SUN2: variants seen among roughly 807,000 people sequenced by gnomAD.
The protein encoded by SUN2 is SUN domain-containing protein 2.
SUN2 carries 60 observed loss-of-function variants against 100.0 expected under a neutral mutation model. The ratio of observed to expected loss-of-function variants is 0.60; its 90% CI spans 0.49 to 0.74. The LOEUF (loss-of-function observed/expected upper bound fraction) is 0.74. Among genes scored for constraint, SUN2 ranks in the 30% least tolerant of loss-of-function variants. The pLI, the probability that SUN2 is intolerant of heterozygous loss-of-function variation, is 0.00. For synonymous variants in SUN2, 367 were observed against 403.3 expected (o/e 0.91, Z 1.08); for missense variants, 834 against 954.6 (o/e 0.87, Z 1.66).
chr22:38,750,553 A>T (rs1324250793), intron 4 of SUN2, among the ~76,000 whole-genome samples: 1 of 152,206 alleles, frequency 6.6e-6, no homozygotes, highest in East Asian at 1.9e-4. Context: ...TGCTGTTCAG[A>T]ACTAGGTGCT....
intron 7 of SUN2, among the ~76,000 whole-genome samples, chr22:38,747,268 G>T (rs565580645): frequency 4.7e-5 from 7 of 150,292 alleles, no homozygotes; most frequent in Non-Finnish European, 1.0e-4. Context: ...GGAGGTGGAG[G>T]TTGCAGTGAG....
intron 8 of SUN2, chr22:38,742,878 A>G: frequency 3.9e-6 from 1 of 253,598 alleles, no homozygotes; most frequent in South Asian, 7.2e-5. Flanking sequence ...GGAGGACTGG[A>G]AGCTGCAGGA....
In SUN2 at chr22:38,737,635, C is replaced by T. The variant is rs1403356939; in HGVS notation, c.2040+538G>A. The T allele has an allele frequency of 3.2e-6, 1 of 310,580 alleles. No homozygotes were observed. Among genetic ancestry groups the T allele is most frequent in the South Asian group, 2.6e-5 (1 of 37,850 alleles). The allele number at this position is 310,580 out of a possible 1,614,324, so 19.2% of individuals were successfully genotyped here. A position where few individuals can be genotyped will look rare whatever the true frequency, so the allele number is the denominator to read the frequency against. ...TCCCACTATCCCGCCAACCCAATTC[C>T]TCACTCCAGGACTCCCCCGGTGTGG... On this transcript the variant is annotated intron_variant, in intron 17 of 17. Coordinates refer to ENST00000689035, the MANE Select transcript of SUN2 (RefSeq NM_015374.3). The surrounding 1 kb of genome is among the most constrained non-coding windows in gnomAD (Gnocchi z 4.1).
Position 38,739,888 on chromosome 22 carries a change from C to T in SUN2, c.1412G>A (p.Gly471Asp), listed in dbSNP as rs1175543236. The T allele has an allele frequency of 5.6e-6, 9 of 1,613,124 alleles. 1 individual carries two copies. The African/African-American group carries it at 6.7e-5, about 12-fold the overall frequency. The change falls in exon 13 of 18, where the codon GGC becomes GAC. Residue 471 changes from glycine to aspartate, a missense_variant. Gly to Asp is a moderately conservative substitution (Grantham distance 94). This residue lies in a region of SUN2 where 195 missense variants were observed against 280.2 expected (regional missense o/e 0.70). Transcript: ENST00000689035. The surrounding 1 kb of genome is among the most constrained non-coding windows in gnomAD (Gnocchi z 6.7). The stretch of plus-strand genomic sequence containing the variant: ...CTCTCTCTGAAGGAGCCCCACGCGG[C>T]CCCCTCCACCTCGGGCAAGGAACTG... Reference protein sequence around the residue: ...ISQFLARGGGGRVGLLQREEM... With the variant: ...ISQFLARGGGDRVGLLQREEM...
In SUN2 at chr22:38,740,372, C is replaced by G; in HGVS notation, c.1251G>C (p.Gln417His). ...CCAGCTCCTGCTGCAGGCCGGCCAG[C>G]TGGTCCTCCAGCCGCCTCAGCTCCT... ...SVKELRRLED[Q>H]LAGLQQELAA... is the part of the protein sequence containing the mutation. The change falls in exon 12 of 18, where the codon CAG becomes CAC. Residue 417 changes from glutamine to histidine, a missense_variant. By Grantham distance (24) the Gln-to-His change is conservative. This residue lies in a region of SUN2 where 559 missense variants were observed against 597.7 expected (regional missense o/e 0.94). Coordinates refer to ENST00000689035, the MANE Select transcript of SUN2 (RefSeq NM_015374.3). The surrounding 1 kb of genome is among the most constrained non-coding windows in gnomAD (Gnocchi z 4.8). The G allele has an allele frequency of 6.3e-7, 1 of 1,577,094 alleles. No homozygotes were observed. Among genetic ancestry groups the G allele is most frequent in the Non-Finnish European group, 8.6e-7 (1 of 1,161,020 alleles).
chr22:38,749,658 A>T lies in SUN2; in HGVS notation c.614+108T>A, dbSNP rs556268219. 1.5e-5 allele frequency: 16 copies of T among 1,048,126 alleles called. No homozygotes were observed. The African/African-American group carries it at 2.4e-4, about 16-fold the overall frequency. The allele number at this position is 1,048,126 out of a possible 1,614,324, so 64.9% of individuals were successfully genotyped here. A position where few individuals can be genotyped will look rare whatever the true frequency, so the allele number is the denominator to read the frequency against. ...GTGATCGCTAATAAAGGCTCCAGGG[A>T]AACTGGGGAAAACCCTCAGAGAATC... is the stretch of plus-strand genomic sequence containing the variant. On this transcript the variant is annotated intron_variant, in intron 6 of 17. Coordinates refer to ENST00000689035, the MANE Select transcript of SUN2 (RefSeq NM_015374.3).
chr22:38,755,886 G>T lies in SUN2; in HGVS notation c.-161C>A. 1.0e-6 allele frequency: 1 copy of T among 982,252 alleles called. No homozygotes were observed. The highest frequency in any genetic ancestry group is 1.2e-6 in the Non-Finnish European group (1 of 828,688). The allele number at this position is 982,252 out of a possible 1,614,324, so 60.8% of individuals were successfully genotyped here. A position where few individuals can be genotyped will look rare whatever the true frequency, so the allele number is the denominator to read the frequency against. ...TCCGCTCAGGGCGACACAGCGGCCG[G>T]GCCCGGGGCGCGCGGGCACGCGAAG... On this transcript the variant is annotated 5_prime_UTR_variant, in exon 1 of 18. Coordinates refer to ENST00000689035, the MANE Select transcript of SUN2 (RefSeq NM_015374.3). The surrounding 1 kb of genome is among the most constrained non-coding windows in gnomAD (Gnocchi z 5.7).
In SUN2 at chr22:38,742,541, A is replaced by G. The variant is rs758769460; in HGVS notation, c.828T>C (p.Val276=). 8.7e-6 allele frequency: 14 copies of G among 1,611,786 alleles called. No individual in the cohort carries two copies. The highest frequency in any genetic ancestry group is 1.2e-5 in the Non-Finnish European group (14 of 1,179,352). ...SSPHFQAEQR[V]MSRVHSLERR... ...GCTCCAGAGAGTGTACCCGGGACAT[A>G]ACACGCTGCTCAGCCTGGAAGGGCA... Residue 276 remains valine (V), a synonymous_variant, in exon 9 of 18, where the codon GTT becomes GTC. Coordinates refer to ENST00000689035, the MANE Select transcript of SUN2 (RefSeq NM_015374.3).
chr22:38,754,174 C>G (rs990579888), intron 1 of SUN2, among the ~76,000 whole-genome samples: 1 of 152,192 alleles, frequency 6.6e-6, no homozygotes, highest in Non-Finnish European at 1.5e-5. Context: ...TAATGAACCA[C>G]TCAGGTCTAG....
chr22:38,740,067 G>C lies in SUN2; in HGVS notation c.1357-124C>G, dbSNP rs959959234. On this transcript the variant is annotated intron_variant, in intron 12 of 17. Coordinates refer to ENST00000689035, the MANE Select transcript of SUN2 (RefSeq NM_015374.3). The surrounding 1 kb of genome is among the most constrained non-coding windows in gnomAD (Gnocchi z 4.8). ...AGGAGGGAGGCCACTGGAGGAAAGAGTTATGAACACTCCATGGGCACTAAC... is the reference window on the plus strand; with the variant it reads ...AGGAGGGAGGCCACTGGAGGAAAGACTTATGAACACTCCATGGGCACTAAC... 1.1e-5 allele frequency: 14 copies of C among 1,266,320 alleles called. No homozygotes were observed. Among genetic ancestry groups the C allele is most frequent in the Middle Eastern group, 2.1e-4 (1 of 4,714 alleles). The allele number at this position is 1,266,320 out of a possible 1,614,324, so 78.4% of individuals were successfully genotyped here. A position where few individuals can be genotyped will look rare whatever the true frequency, so the allele number is the denominator to read the frequency against.
chr22:38,745,111 G>C (rs535757529), intron 8 of SUN2: 10 of 471,192 alleles, frequency 2.1e-5, no homozygotes, highest in South Asian at 1.4e-4. Context: ...AGGCCTCAAA[G>C]GTCTGGTTGC....
At position 38,738,774 on chromosome 22, in the gene SUN2, T is replaced by C. The variant is rs2092829002; in HGVS notation, c.1780-20A>G. 3.7e-6 allele frequency: 6 copies of C among 1,611,598 alleles called. No individual in the cohort carries two copies. Among genetic ancestry groups the C allele is most frequent in the South Asian group, 1.1e-5 (1 of 90,986 alleles). The stretch of plus-strand genomic sequence containing the variant: ...ATCTGGCTGGAGGAGCAGAAAGTCA[T>C]GTCAGGACAGGGCCCTGAGTCCAGC... On this transcript the variant is annotated intron_variant, in intron 15 of 17. Transcript: ENST00000689035. The surrounding 1 kb of genome is among the most constrained non-coding windows in gnomAD (Gnocchi z 6.6).
intron 9 of SUN2, 53 bp from the exon 10 acceptor site, chr22:38,741,624 C>A: frequency 6.6e-7 from 1 of 1,523,924 alleles, no homozygotes. Context: ...TTATAGGGAC[C>A]CTCATGACTA....
At chr22:38,745,953 T>G in intron 7 of SUN2, 142 bp from the exon 8 acceptor site, 1 of 1,298,052 alleles carries the variant, frequency 7.7e-7, no homozygotes, top group Non-Finnish European at 1.0e-6. Flanking sequence ...ATCAGAGGGA[T>G]GCAGGTGCCC....
chr22:38,747,412 C>A (rs1246969101), intron 7 of SUN2, among the ~76,000 whole-genome samples: 1 of 151,678 alleles, frequency 6.6e-6, no homozygotes, highest in Non-Finnish European at 1.5e-5. Context: ...ACCAGCTGTT[C>A]TTGTAGCAGC....
At position 38,750,360 on chromosome 22, in the gene SUN2, T is replaced by A. The variant is rs1288765375; in HGVS notation, c.425-40A>T. 2 of 1,610,484 alleles carry A rather than the reference T, an allele frequency of 1.2e-6. 1 individual carries two copies. Among genetic ancestry groups the A allele is most frequent in the South Asian group, 2.2e-5 (2 of 90,652 alleles). On this transcript the variant is annotated intron_variant, in intron 4 of 17. Transcript: ENST00000689035. ...GACACTGGCTCAGTCTCTGTCACTT[T>A]CGAGCCTCTTCCTTCACTGTCTTCT...
chr22:38,744,618 A>G (rs1242712539), intron 8 of SUN2, among the ~76,000 whole-genome samples: 1 of 152,234 alleles, frequency 6.6e-6, no homozygotes, highest in Non-Finnish European at 1.5e-5. Context: ...TGTAATACCA[A>G]GTTAAATTCA....
At chr22:38,748,864 C>T in intron 6 of SUN2, 81 bp from the exon 7 acceptor site, 1 of 1,409,458 alleles carries the variant, frequency 7.1e-7, no homozygotes, top group Non-Finnish European at 1.0e-6. Flanking sequence ...CCAGGGAGTA[C>T]CCTGAGATGT....
At chr22:38,751,453 C>G in intron 2 of SUN2, 80 bp from the exon 3 acceptor site, 1 of 1,537,628 alleles carries the variant, frequency 6.5e-7, no homozygotes, top group South Asian at 1.1e-5. Context: ...CCACAGCCTG[C>G]GGCCCTGCCT....
Sources: gnomAD v4.1 joint callset for allele counts (sites outside exome capture counted in the v4.1 genomes callset) on GRCh38, gnomAD v4.1.1 for gene constraint, gnomAD v4.1.1 regional missense constraint, Gnocchi (gnomAD v3.1) non-coding constraint, MANE v1.5 for transcripts, NCBI Gene and HGNC (gene_info 2026-07-23, HGNC 2026-07-21) for gene names.